SV2C: variants seen among roughly 807,000 people sequenced by gnomAD.
The protein encoded by SV2C is solute carrier family 22 member B3.
Under a neutral mutation model 79.7 loss-of-function variants are expected in SV2C, and 49 were observed. The observed-to-expected ratio is 0.61, with a 90% CI of 0.49 to 0.78. SV2C has a LOEUF of 0.78. Ranked by LOEUF, SV2C falls within the 30% of genes least tolerant of loss-of-function variation. The probability of loss-of-function intolerance (pLI) is 0.00; values close to 1 mark genes in which losing one functional copy is unlikely to be tolerated. For missense variants in SV2C, 833 were observed against 912.9 expected (o/e 0.91, Z 1.13); for synonymous variants, 334 against 333.2 (o/e 1.00, Z -0.03).
At chr5:76,147,914 T>G (rs1749489851) in intron 2 of SV2C, among the ~76,000 whole-genome samples, 1 of 152,184 alleles carries the variant, frequency 6.6e-6, no homozygotes, top group Non-Finnish European at 1.5e-5. Flanking sequence ...ACGGTATCTA[T>G]TTTTATTTTT....
At chr5:75,988,189 T>A in the SV2C span, among the ~76,000 whole-genome samples, 1 of 151,934 alleles carries the variant, frequency 6.6e-6, no homozygotes, top group African/African-American at 2.4e-5. Flanking sequence ...TTTTTTCCTA[T>A]TTAACATTAT....
intron 1 of SV2C, among the ~76,000 whole-genome samples, chr5:76,124,053 A>G (rs1480695755): frequency 1.3e-5 from 2 of 152,204 alleles, no homozygotes; most frequent in African/African-American, 4.8e-5. Flanking sequence ...TTTCTTGTTT[A>G]TGACTTCCTG....
At chr5:76,200,642 T>C (rs765349300) in intron 3 of SV2C, among the ~76,000 whole-genome samples, 2 of 152,120 alleles carry the variant, frequency 1.3e-5, no homozygotes, top group Non-Finnish European at 2.9e-5. Context: ...TTATTTTTTG[T>C]TTTATTTTGT....
chr5:75,965,369 T>G, the SV2C span, among the ~76,000 whole-genome samples: 1 of 152,200 alleles, frequency 6.6e-6, no homozygotes, highest in African/African-American at 2.4e-5. Flanking sequence ...GTGATGGTTT[T>G]GGAAGGTGGG....
the SV2C span, among the ~76,000 whole-genome samples, chr5:75,970,409 CTA>C: frequency 6.6e-6 from 1 of 151,784 alleles, no homozygotes; most frequent in Non-Finnish European, 1.5e-5. Flanking sequence ...AAGATCAACA[CTA>C]TTGATAGACT....
intron 3 of SV2C, among the ~76,000 whole-genome samples, chr5:76,204,353 C>A (rs1744545161): frequency 6.6e-6 from 1 of 152,164 alleles, no homozygotes; most frequent in Non-Finnish European, 1.5e-5. Flanking sequence ...TTTTTATAAT[C>A]CTATAATACT....
chr5:75,957,733 G>A, the SV2C span, among the ~76,000 whole-genome samples: 1 of 152,008 alleles, frequency 6.6e-6, no homozygotes, highest in Non-Finnish European at 1.5e-5. Flanking sequence ...ACACACCATA[G>A]GAAATACATC....
At chr5:75,920,098 G>A in the SV2C span, among the ~76,000 whole-genome samples, 1 of 152,188 alleles carries the variant, frequency 6.6e-6, no homozygotes, top group Non-Finnish European at 1.5e-5. Flanking sequence ...AATTGACTAC[G>A]TCACTTTCTT....
At chr5:76,006,138 C>A in the SV2C span, among the ~76,000 whole-genome samples, 1 of 152,196 alleles carries the variant, frequency 6.6e-6, no homozygotes, top group Non-Finnish European at 1.5e-5. Context: ...CTCTAGAGGA[C>A]AGTAACACTT....
rs542857727 is a variant in SV2C at position 76,270,537 on chromosome 5, TA to T, written c.914-14620del. ...GCCTTTGCTGATCATCTCCAACTTA[TA>T]AAAAGTTGCAAGTCTATGGGAAACT... On this transcript the variant is annotated intron_variant, in intron 4 of 12. Coordinates refer to ENST00000502798, the MANE Select transcript of SV2C (RefSeq NM_014979.4). Among the ~76,000 whole-genome samples, 670 of 152,308 alleles carry T rather than the reference TA, an allele frequency of 4.4e-3. 2 individuals are homozygous for T. The highest frequency in any genetic ancestry group is 6.9e-3 in the Non-Finnish European group (466 of 68,026).
At chr5:76,047,766 C>CTTTTTTTT in the SV2C span, among the ~76,000 whole-genome samples, 1 of 129,266 alleles carries the variant, frequency 7.7e-6, no homozygotes, top group Non-Finnish European at 1.6e-5. Context: ...TTTTTCTTTT[C>CTTTTTTTT]TTTTTTTTTT....
At chr5:76,236,619 G>C (rs1448054594) in intron 4 of SV2C, among the ~76,000 whole-genome samples, 1 of 152,008 alleles carries the variant, frequency 6.6e-6, no homozygotes, top group African/African-American at 2.4e-5. Context: ...GGAGATGCCA[G>C]GTTCTTTTTA....
At chr5:76,252,082 T>C (rs779495305) in intron 4 of SV2C, among the ~76,000 whole-genome samples, 1 of 152,228 alleles carries the variant, frequency 6.6e-6, no homozygotes, top group Admixed American at 6.5e-5. Flanking sequence ...AACTAGAGTA[T>C]GCAAACTCAC....
the SV2C span, among the ~76,000 whole-genome samples, chr5:75,904,045 C>T: frequency 1.3e-5 from 2 of 152,058 alleles, no homozygotes; most frequent in African/African-American, 2.4e-5. Flanking sequence ...TAGAGTTTTA[C>T]GTAAGCACAC....
the SV2C span, among the ~76,000 whole-genome samples, chr5:76,031,056 G>T: frequency 8.5e-5 from 13 of 152,236 alleles, no homozygotes; most frequent in African/African-American, 3.1e-4. Context: ...TGATATTTTT[G>T]AAAAGATGTG....
chr5:75,968,049 C>A, the SV2C span, among the ~76,000 whole-genome samples: 2 of 152,196 alleles, frequency 1.3e-5, no homozygotes, highest in Admixed American at 1.3e-4. Flanking sequence ...GCTGCTGATA[C>A]CCAGGCAAAC....
intron 12 of SV2C, among the ~76,000 whole-genome samples, chr5:76,344,703 C>G (rs246824): frequency 0.037 from 5,592 of 151,986 alleles, 114 homozygotes; most frequent in African/African-American, 0.056. Flanking sequence ...GAGTGAAACT[C>G]CATCTCAAAA....
At chr5:75,915,009 T>C in the SV2C span, among the ~76,000 whole-genome samples, 1 of 152,184 alleles carries the variant, frequency 6.6e-6, no homozygotes, top group Admixed American at 6.5e-5. Flanking sequence ...GAAACTCCCC[T>C]TTTTAAAACC....
At chr5:76,346,122 T>C (rs563921285) in intron 12 of SV2C, among the ~76,000 whole-genome samples, 1 of 152,318 alleles carries the variant, frequency 6.6e-6, no homozygotes, top group Admixed American at 6.5e-5. Context: ...ACCAGTGTGA[T>C]GTCTCCAAAT....
Sources: allele counts gnomAD v4.1 joint callset (sites outside exome capture counted in the v4.1 genomes callset), GRCh38; gene constraint gnomAD v4.1.1; transcripts MANE v1.5; gene names NCBI Gene and HGNC (gene_info 2026-07-23, HGNC 2026-07-21).